The following CRK variants were observed in gnomAD, a reference collection of about 807,000 sequenced individuals.
CRK encodes adapter molecule crk.
In CRK, 4 loss-of-function variants were observed where a neutral mutation model predicts 29.8. The ratio of observed to expected loss-of-function variants is 0.13; its 90% confidence interval spans 0.07 to 0.31. CRK has a LOEUF of 0.31. Among genes scored for constraint, CRK ranks in the 10% least tolerant of loss-of-function variants. The pLI, the probability that CRK is intolerant of heterozygous loss-of-function variation, is 1.00. For synonymous variants in CRK, 153 were observed against 164.9 expected (o/e 0.93, Z 0.55); for missense variants, 274 against 396.5 (o/e 0.69, Z 2.62).
At chr17:1,443,953 G>A (rs922944780) in intron 1 of CRK, among the ~76,000 whole-genome samples, 1 of 151,494 alleles carries the variant, frequency 6.6e-6, no homozygotes, top group Admixed American at 6.6e-5. Flanking sequence ...GCCCGCCTCG[G>A]CCTCCCAAAG....
At chr17:1,442,516 ATTAATT>A (rs1423225118) in intron 1 of CRK, among the ~76,000 whole-genome samples, 3 of 151,018 alleles carry the variant, frequency 2.0e-5, no homozygotes, top group African/African-American at 4.9e-5. Flanking sequence ...CCAGCCTATT[ATTAATT>A]TTAATTATAT....
At chr17:1,438,182 T>C (rs1368525029) in intron 1 of CRK, among the ~76,000 whole-genome samples, 1 of 152,058 alleles carries the variant, frequency 6.6e-6, no homozygotes, top group African/African-American at 2.4e-5. Flanking sequence ...CAAGCTGGAG[T>C]GCAGTGGCAC....
intron 2 of CRK, among the ~76,000 whole-genome samples, chr17:1,423,883 G>A (rs1232348025): frequency 1.3e-5 from 2 of 152,128 alleles, no homozygotes; most frequent in Non-Finnish European, 2.9e-5. Context: ...GAAAGTAAAA[G>A]GGATTCCAGA....
intron 2 of CRK, among the ~76,000 whole-genome samples, chr17:1,429,123 C>A (rs1274109220): frequency 6.6e-6 from 1 of 151,394 alleles, no homozygotes; most frequent in African/African-American, 2.4e-5. Flanking sequence ...GCTGGGATTA[C>A]AGGTGTGAGC....
chr17:1,430,426 G>A (rs1015333567), intron 2 of CRK, among the ~76,000 whole-genome samples: 4 of 147,548 alleles, frequency 2.7e-5, no homozygotes, highest in Non-Finnish European at 4.5e-5. Flanking sequence ...GCGCGATCTT[G>A]GCTCACTGCA....
intron 1 of CRK, among the ~76,000 whole-genome samples, chr17:1,450,519 G>GAA (rs143344163): frequency 3.5e-4 from 53 of 150,126 alleles, no homozygotes; most frequent in South Asian, 8.4e-4. Context: ...CTCAAAAAAA[G>GAA]AAAAAAAACA....
intron 1 of CRK, among the ~76,000 whole-genome samples, chr17:1,450,237 G>A (rs779290659): frequency 3.9e-5 from 6 of 151,982 alleles, no homozygotes; most frequent in Admixed American, 2.0e-4. Context: ...AATAAGGCGC[G>A]GTGGCTCAGG....
At chr17:1,436,182 C>T (rs764992643) in intron 2 of CRK, among the ~76,000 whole-genome samples, 10 of 152,084 alleles carry the variant, frequency 6.6e-5, no homozygotes, top group African/African-American at 2.4e-4. Flanking sequence ...AACTTCAAGT[C>T]CCCTGAAGCA....
chr17:1,436,601 C>T lies in CRK; in HGVS notation c.777+19G>A. On this transcript the variant is annotated intron_variant, in intron 2 of 2. Coordinates refer to ENST00000300574, the MANE Select transcript of CRK (RefSeq NM_016823.4). The stretch of plus-strand genomic sequence containing the variant: ...CCCTGCAGCAGATCTCTTCTTTCTA[C>T]ATTGTGCACGTTATGTACCTCCAAA... 3 of 1,576,160 alleles carry T rather than the reference C, an allele frequency of 1.9e-6. No homozygotes were observed. Among genetic ancestry groups the T allele is most frequent in the Non-Finnish European group, 2.6e-6 (3 of 1,165,898 alleles).
chr17:1,447,836 C>T (rs895094108), intron 1 of CRK, among the ~76,000 whole-genome samples: 1 of 151,940 alleles, frequency 6.6e-6, no homozygotes, highest in Non-Finnish European at 1.5e-5. Context: ...AGGCTGGTCT[C>T]GAACTCCTGA....
chr17:1,428,521 C>CTTTTTTTTTTTTTTTTTTT, intron 2 of CRK, among the ~76,000 whole-genome samples: 1 of 111,198 alleles, frequency 9.0e-6, no homozygotes, highest in Non-Finnish European at 1.7e-5. Flanking sequence ...CATATCAGAT[C>CTTTTTTTTTTTTTTTTTTT]TTTTTTTTTT....
intron 2 of CRK, among the ~76,000 whole-genome samples, chr17:1,435,912 G>A (rs981412650): frequency 3.9e-5 from 6 of 152,152 alleles, no homozygotes; most frequent in Non-Finnish European, 5.9e-5. Context: ...GGAGGTAGGA[G>A]AGCAAGGTGT....
Position 1,427,072 on chromosome 17 carries a change from A to AAAAAAAAAAAAAG in CRK, c.778-3423_778-3422insCTTTTTTTTTTTT, listed in dbSNP as rs778793991. Among the ~76,000 whole-genome samples the AAAAAAAAAAAAAG allele has an allele frequency of 4.9e-4, 45 of 92,070 alleles. 13 individuals are homozygous for AAAAAAAAAAAAAG. Among genetic ancestry groups the AAAAAAAAAAAAAG allele is most frequent in the Non-Finnish European group, 9.4e-4 (45 of 47,908 alleles). 60.4% of individuals were successfully genotyped at this position (92,070 alleles called of 152,430 possible). A position where few individuals can be genotyped will look rare whatever the true frequency, so the allele number is the denominator to read the frequency against. ...AAAAAAAAAAAAAAAAAAAAAAAAA[A>AAAAAAAAAAAAAG]GATTCTGACATGCCCCAGCCAGGCT... is the stretch of plus-strand genomic sequence containing the variant. On this transcript the variant is annotated intron_variant, in intron 2 of 2. Transcript: ENST00000300574.
rs1261767032 is a variant in CRK, at chr17:1,421,720, T to C, written c.*1793A>G. On this transcript the variant is annotated 3_prime_UTR_variant, in exon 3 of 3. Transcript: ENST00000300574. Reference sequence around the variant, plus strand: ...TGCACACTGACTGTGTGTCAGACAGTGTGCCGGTCACTCGGACACCACAAT... The same window carrying C: ...TGCACACTGACTGTGTGTCAGACAGCGTGCCGGTCACTCGGACACCACAAT... 2 of 152,176 alleles carry C rather than the reference T, an allele frequency of 1.3e-5. No individual in the cohort carries two copies. The highest frequency in any genetic ancestry group is 2.9e-5 in the Non-Finnish European group (2 of 68,034). 9.4% of individuals were successfully genotyped at this position (152,176 alleles called of 1,614,324 possible). A position where few individuals can be genotyped will look rare whatever the true frequency, so the allele number is the denominator to read the frequency against.
chr17:1,448,099 G>A (rs374704763), intron 1 of CRK, among the ~76,000 whole-genome samples: 2 of 152,072 alleles, frequency 1.3e-5, no homozygotes, highest in African/African-American at 4.8e-5. Flanking sequence ...CAGAGATCGC[G>A]CCACTGCACT....
At chr17:1,442,495 A>G (rs2073942845) in intron 1 of CRK, among the ~76,000 whole-genome samples, 1 of 151,938 alleles carries the variant, frequency 6.6e-6, no homozygotes, top group Admixed American at 6.6e-5. Flanking sequence ...TACAGATGTG[A>G]GCCACTGCAT....
In CRK at chr17:1,437,160, A is replaced by C. The variant is rs777985840; in HGVS notation, c.242-5T>G. On this transcript the variant is annotated splice_region_variant and splice_polypyrimidine_tract_variant and intron_variant, in intron 1 of 2. Transcript: ENST00000300574. ...GGAGTCTGGAGGGGCTCACCCCTGG[A>C]AAAAACAGAGCAGGCTGTTATTTAA... The C allele has an allele frequency of 2.5e-6, 4 of 1,584,608 alleles. No individual in the cohort carries two copies. Among genetic ancestry groups the C allele is most frequent in the Non-Finnish European group, 3.4e-6 (4 of 1,166,184 alleles).
In CRK at chr17:1,456,170, GC is replaced by G; in HGVS notation, c.-54del. On this transcript the variant is annotated 5_prime_UTR_variant, in exon 1 of 3. Coordinates refer to ENST00000300574, the MANE Select transcript of CRK (RefSeq NM_016823.4). ...TGCCGCCGCCGCGCGCGCCCCTCCG[GC>G]CCCCGGCGCCCGCCGCCCAGCGGAC... 5 of 1,384,274 alleles carry G rather than the reference GC, an allele frequency of 3.6e-6. No individual in the cohort carries two copies. The highest frequency in any genetic ancestry group is 1.7e-5 in the South Asian group (1 of 58,050). 85.7% of individuals were successfully genotyped at this position (1,384,274 alleles called of 1,614,324 possible). A position where few individuals can be genotyped will look rare whatever the true frequency, so the allele number is the denominator to read the frequency against.
chr17:1,425,293 C>T (rs1280727509), intron 2 of CRK, among the ~76,000 whole-genome samples: 6 of 151,614 alleles, frequency 4.0e-5, no homozygotes, highest in Non-Finnish European at 4.4e-5. Context: ...GGGGTTTCAC[C>T]ATGTTAGCCA....
Sources: gnomAD v4.1 joint callset for allele counts (sites outside exome capture counted in the v4.1 genomes callset) on GRCh38, gnomAD v4.1.1 for gene constraint, MANE v1.5 for transcripts, NCBI Gene and HGNC (gene_info 2026-07-23, HGNC 2026-07-21) for gene names.